The following MGAT4C variants were observed in gnomAD, a reference collection of about 807,000 sequenced individuals.
MGAT4C encodes the protein MGAT4 family member C.
A neutral mutation model predicts 40.1 loss-of-function variants in MGAT4C; 19 were observed. The observed-to-expected ratio is 0.47, with a 90% CI of 0.33 to 0.70. The LOEUF (loss-of-function observed/expected upper bound fraction) is 0.70. Among genes scored for constraint, MGAT4C ranks in the 30% least tolerant of loss-of-function variants. MGAT4C has a pLI of 0.02. For synonymous variants in MGAT4C, 181 were observed against 187.1 expected (o/e 0.97, Z 0.27); for missense variants, 491 against 563.2 (o/e 0.87, Z 1.30).
At chr12:86,588,259 T>G (rs1182226136) in intron 2 of MGAT4C, among the ~76,000 whole-genome samples, 1 of 151,968 alleles carries the variant, frequency 6.6e-6, no homozygotes, top group African/African-American at 2.4e-5. Context: ...AATCCTAGTC[T>G]CTGATAAAAC....
chr12:86,643,628 G>T (rs1963453779), intron 2 of MGAT4C, among the ~76,000 whole-genome samples: 1 of 151,824 alleles, frequency 6.6e-6, no homozygotes, highest in South Asian at 2.1e-4. Context: ...TTTATGAAGT[G>T]TCCAAAATAG....
intron 4 of MGAT4C, among the ~76,000 whole-genome samples, chr12:86,292,374 T>C (rs937100539): frequency 4.6e-5 from 7 of 151,796 alleles, no homozygotes; most frequent in African/African-American, 1.7e-4. Flanking sequence ...CCTATTTCTG[T>C]GCAAAGACAT....
intron 1 of MGAT4C, among the ~76,000 whole-genome samples, chr12:86,167,321 C>T (rs1177848357): frequency 6.6e-6 from 1 of 152,116 alleles, no homozygotes. Context: ...TTTCAGTTCA[C>T]AGTATTTATT....
In MGAT4C at chr12:86,005,066, C is replaced by A. The variant is rs529450971; in HGVS notation, c.-6-15514G>T. ...TGTAAGATCAAATCAGATCACACCT[C>A]GTTACCCTCTGCCTATAAAACCTGC... On this transcript the variant is annotated intron_variant, in intron 2 of 4. Transcript: ENST00000611864. Among the ~76,000 whole-genome samples, 3 of 152,146 alleles carry A rather than the reference C, an allele frequency of 2.0e-5. No homozygotes were observed. In the South Asian group the frequency reaches 6.2e-4, roughly 32 times the overall value.
intron 2 of MGAT4C, among the ~76,000 whole-genome samples, chr12:86,045,398 A>G (rs1434615407): frequency 6.6e-6 from 1 of 152,148 alleles, no homozygotes; most frequent in Non-Finnish European, 1.5e-5. Flanking sequence ...TGTCACTCAT[A>G]TGCATTACTT....
intron 1 of MGAT4C, among the ~76,000 whole-genome samples, chr12:86,813,739 G>A (rs1431018084): frequency 1.3e-5 from 2 of 152,014 alleles, no homozygotes; most frequent in Admixed American, 6.6e-5. Flanking sequence ...GTATTTGAAT[G>A]AAATTACATT....
At chr12:86,794,813 G>A (rs986624924) in intron 1 of MGAT4C, among the ~76,000 whole-genome samples, 27 of 151,820 alleles carry the variant, frequency 1.8e-4, no homozygotes, top group African/African-American at 6.3e-4. Flanking sequence ...ATGACTTATT[G>A]ATATAATAAA....
At chr12:86,786,390 T>C (rs1951932190) in intron 1 of MGAT4C, among the ~76,000 whole-genome samples, 1 of 152,096 alleles carries the variant, frequency 6.6e-6, no homozygotes, top group African/African-American at 2.4e-5. Context: ...GAAAGATAAG[T>C]ATATATTAAC....
At chr12:86,508,106 G>A (rs1177587509) in intron 2 of MGAT4C, among the ~76,000 whole-genome samples, 1 of 151,968 alleles carries the variant, frequency 6.6e-6, no homozygotes, top group Non-Finnish European at 1.5e-5. Flanking sequence ...TGTGCACAAT[G>A]TGCAGGTTAG....
intron 1 of MGAT4C, among the ~76,000 whole-genome samples, chr12:86,104,925 C>T (rs1475462264): frequency 6.6e-6 from 1 of 152,028 alleles, no homozygotes; most frequent in Middle Eastern, 3.2e-3. Context: ...ATACTTTTAA[C>T]AGGGTTCAGA....
intron 1 of MGAT4C, among the ~76,000 whole-genome samples, chr12:86,162,763 C>A (rs1885741788): frequency 6.6e-6 from 1 of 152,052 alleles, no homozygotes; most frequent in South Asian, 2.1e-4. Flanking sequence ...AGCAAATATT[C>A]ATTAAAATAA....
intron 2 of MGAT4C, among the ~76,000 whole-genome samples, chr12:86,702,327 G>A (rs1353170164): frequency 1.3e-5 from 2 of 151,916 alleles, no homozygotes; most frequent in African/African-American, 4.8e-5. Context: ...TTATGGGTGT[G>A]CACCATCAGG....
intron 3 of MGAT4C, chr12:86,334,168 C>T (rs1369716120): frequency 2.0e-5 from 3 of 152,062 alleles, no homozygotes; most frequent in Non-Finnish European, 4.4e-5. Flanking sequence ...GTTTCTCATT[C>T]CACTGTCACT....
At chr12:86,309,080 A>G (rs1281726426) in intron 4 of MGAT4C, among the ~76,000 whole-genome samples, 1 of 150,660 alleles carries the variant, frequency 6.6e-6, no homozygotes, top group East Asian at 1.9e-4. Context: ...AAAAATTCTC[A>G]TTTTATCAGT....
intron 1 of MGAT4C, among the ~76,000 whole-genome samples, chr12:86,799,709 C>T (rs1205326665): frequency 6.6e-6 from 1 of 151,592 alleles, no homozygotes; most frequent in Non-Finnish European, 1.5e-5. Context: ...ATTTATTTTC[C>T]TTTCCTTTTC....
chr12:86,627,286 G>A (rs1223493100), intron 2 of MGAT4C, among the ~76,000 whole-genome samples: 3 of 152,170 alleles, frequency 2.0e-5, no homozygotes, highest in African/African-American at 4.8e-5. Context: ...TCCACCTCTG[G>A]GGGCAGGGCA....
intron 2 of MGAT4C, among the ~76,000 whole-genome samples, chr12:86,566,977 C>T (rs1960156358): frequency 6.6e-6 from 1 of 152,040 alleles, no homozygotes; most frequent in Non-Finnish European, 1.5e-5. Context: ...ATGGAATTCA[C>T]TGGTCTTACC....
At chr12:86,290,425 G>A (rs987657413) in intron 4 of MGAT4C, among the ~76,000 whole-genome samples, 1 of 152,008 alleles carries the variant, frequency 6.6e-6, no homozygotes, top group Non-Finnish European at 1.5e-5. Flanking sequence ...CAAATATCAC[G>A]GAGGGTTTGA....
At chr12:86,341,550 T>G (rs1954904729) in intron 3 of MGAT4C, among the ~76,000 whole-genome samples, 1 of 152,190 alleles carries the variant, frequency 6.6e-6, no homozygotes, top group Non-Finnish European at 1.5e-5. Context: ...CTCACAAGAT[T>G]AGACCCACTG....
Sources: allele counts gnomAD v4.1 joint callset (sites outside exome capture counted in the v4.1 genomes callset), GRCh38; gene constraint gnomAD v4.1.1; transcripts MANE v1.5; gene names NCBI Gene and HGNC (gene_info 2026-07-23, HGNC 2026-07-21).